The following MBTPS1 variants were observed in gnomAD, a reference collection of about 807,000 sequenced individuals.
MBTPS1 encodes membrane bound transcription factor peptidase, site 1, also known as membrane-bound transcription factor site-1 protease.
A neutral mutation model predicts 127.8 loss-of-function variants in MBTPS1; 94 were observed. The observed-to-expected ratio is 0.74, with a 90% CI of 0.62 to 0.87. MBTPS1 has a LOEUF of 0.87. Among genes scored for constraint, MBTPS1 ranks in the 40% least tolerant of loss-of-function variants. The pLI is 0.00. For synonymous variants in MBTPS1, 632 were observed against 509.4 expected, an observed-to-expected ratio of 1.24 and a Z score of -3.24; for missense variants, 1,636 against 1,353.2, an observed-to-expected ratio of 1.21 and a Z score of -3.28.
At chr16:84,071,253 A>C (rs2085766201) in intron 12 of MBTPS1, among the ~76,000 whole-genome samples, 1 of 152,260 alleles carries the variant, frequency 6.6e-6, no homozygotes, top group South Asian at 2.1e-4. Context: ...GGACTGGCTC[A>C]GCTGCGAGAT....
rs1215991377 is a variant in MBTPS1, at chr16:84,058,782, G to A, written c.2831+520C>T. On this transcript the variant is annotated intron_variant, in intron 21 of 22. Coordinates refer to ENST00000343411, the MANE Select transcript of MBTPS1 (RefSeq NM_003791.4). ...GGGATCCAGGCGGCACTGCAAACAGGAGTGTGGAGACAGCAGCAGAGGTCA... is the reference window on the plus strand; with the variant it reads ...GGGATCCAGGCGGCACTGCAAACAGAAGTGTGGAGACAGCAGCAGAGGTCA... Among the ~76,000 whole-genome samples the A allele has an allele frequency of 4.6e-5, 7 of 152,322 alleles. No homozygotes were observed. In the East Asian group the frequency reaches 1.4e-3, roughly 29 times the overall value.
intron 2 of MBTPS1, 131 bp from the exon 3 acceptor site, chr16:84,099,441 A>G (rs562762375): frequency 6.0e-5 from 55 of 912,248 alleles, no homozygotes; most frequent in Non-Finnish European, 7.4e-5. Flanking sequence ...GAGAAAACAC[A>G]AAGACTAGTT....
At position 84,064,141 on chromosome 16, in the gene MBTPS1, C is replaced by T. The variant is rs188101995; in HGVS notation, c.2432-696G>A. On this transcript the variant is annotated intron_variant, in intron 18 of 22. Coordinates refer to ENST00000343411, the MANE Select transcript of MBTPS1 (RefSeq NM_003791.4). ...CCAGATAATCTAGGAGTCTCTGCCC[C>T]TAATTCAATTGCTTTCCTCAGCACT... Among the ~76,000 whole-genome samples, 48 of 152,072 alleles carry T rather than the reference C, an allele frequency of 3.2e-4. 1 individual carries two copies. The highest frequency in any genetic ancestry group is 1.0e-3 in the African/African-American group (43 of 41,486).
In MBTPS1 at chr16:84,085,206, C is replaced by A. The variant is rs2086003014; in HGVS notation, c.1135-72G>T. 3 of 1,433,968 alleles carry A rather than the reference C, an allele frequency of 2.1e-6. No homozygotes were observed. The South Asian group carries it at 3.6e-5, about 17-fold the overall frequency. The allele number at this position is 1,433,968 out of a possible 1,614,324, so 88.8% of individuals were successfully genotyped here. A position where few individuals can be genotyped will look rare whatever the true frequency, so the allele number is the denominator to read the frequency against. The stretch of plus-strand genomic sequence containing the variant: ...CAGCCGCATGCAATCATGAGTGAAT[C>A]AAATCAGAACAGAGATATGGGTTAG... On this transcript the variant is annotated intron_variant, in intron 9 of 22. Coordinates refer to ENST00000343411, the MANE Select transcript of MBTPS1 (RefSeq NM_003791.4).
chr16:84,074,409 A>G (rs2085820603), intron 12 of MBTPS1, among the ~76,000 whole-genome samples, 188 bp downstream of exon 12: 1 of 151,994 alleles, frequency 6.6e-6, no homozygotes, highest in African/African-American at 2.4e-5. Flanking sequence ...TAATTTCTTT[A>G]TTATTTGTAG....
intron 2 of MBTPS1, among the ~76,000 whole-genome samples, chr16:84,101,201 G>C (rs1357024736): frequency 6.6e-6 from 1 of 152,058 alleles, no homozygotes; most frequent in Non-Finnish European, 1.5e-5. Flanking sequence ...TCAGGAGGCT[G>C]AGGCAGGAGA....
intron 20 of MBTPS1, chr16:84,059,711 C>A: frequency 4.5e-6 from 1 of 223,562 alleles, no homozygotes; most frequent in Non-Finnish European, 8.8e-6. Context: ...CTTTGCTGAC[C>A]ACCACTGACA....
rs1311882001 is a variant in MBTPS1, at chr16:84,059,334, G to C, written c.2799C>G (p.Ala933=). 4 of 1,614,000 alleles carry C rather than the reference G, an allele frequency of 2.5e-6. No homozygotes were observed. In the African/African-American group the frequency reaches 4.0e-5, roughly 16 times the overall value. The part of the protein sequence containing the change: ...PLPACPRLSW[A]KPQPLNETAP... ...CCGTCTCGTTTAAAGGCTGTGGCTT[G>C]GCCCAAGACAAGCGTGGACAGGCTG... is the stretch of plus-strand genomic sequence containing the variant. The change falls in exon 21 of 23, where the codon GCC becomes GCG. Residue 933 remains alanine, a synonymous_variant. Coordinates refer to ENST00000343411, the MANE Select transcript of MBTPS1 (RefSeq NM_003791.4).
intron 1 of MBTPS1, among the ~76,000 whole-genome samples, chr16:84,113,074 A>C (rs987652685): frequency 5.3e-5 from 8 of 152,152 alleles, no homozygotes; most frequent in African/African-American, 1.9e-4. Flanking sequence ...TTGTATATAT[A>C]CTAGAGCTTA....
chr16:84,098,924 A>G (rs2086215865), intron 3 of MBTPS1, 129 bp downstream of exon 3: 1 of 963,398 alleles, frequency 1.0e-6, no homozygotes, highest in Admixed American at 2.7e-5. Context: ...CCTACCAGGA[A>G]AATGTTCACA....
At chr16:84,063,606 C>G (rs949667620) in intron 18 of MBTPS1, among the ~76,000 whole-genome samples, 161 bp from the exon 19 acceptor site, 1 of 152,158 alleles carries the variant, frequency 6.6e-6, no homozygotes, top group African/African-American at 2.4e-5. Flanking sequence ...TAAGAATAAG[C>G]CTTTTAGAAT....
chr16:84,056,271 G>A, intron 21 of MBTPS1, 136 bp from the exon 22 acceptor site: 1 of 675,034 alleles, frequency 1.5e-6, no homozygotes, highest in Non-Finnish European at 2.5e-6. Flanking sequence ...TGCGTCCACG[G>A]CCACCTAAAT....
rs767502683 is a variant in MBTPS1, at chr16:84,085,036, T to C, written c.1233A>G (p.Ser411=). 4 of 1,614,068 alleles carry C rather than the reference T, an allele frequency of 2.5e-6. No individual in the cohort carries two copies. The highest frequency in any genetic ancestry group is 3.3e-5 in the Admixed American group (2 of 60,006). Residue 411 remains serine (S), a synonymous_variant, in exon 10 of 23, where the codon TCA becomes TCG. Coordinates refer to ENST00000343411, the MANE Select transcript of MBTPS1 (RefSeq NM_003791.4). ...SGVKGGCRAL[S]GTSVASPVVA... ...CCACTGGAGAAGCAACACTGGTCCC[T>C]GAGAGGGCCCGGCACCCCCCTTTCA...
rs2085516878 is a variant in MBTPS1, at chr16:84,056,042, C to G, written c.2925G>C (p.Leu975Phe). 1.2e-6 allele frequency: 2 copies of G among 1,613,896 alleles called. No individual in the cohort carries two copies. Among genetic ancestry groups the G allele is most frequent in the Non-Finnish European group, 8.5e-7 (1 of 1,180,018 alleles). Reference protein sequence around the residue: ...FRSNRPQVRPLSPGESGAWDI... With the variant: ...FRSNRPQVRPFSPGESGAWDI... ...CCCAGGCGCCGCTCTCTCCAGGGGA[C>G]AAGGGCCTCACTTGAGGGCGATTCG... The change falls in exon 22 of 23, where the codon TTG (leucine) becomes TTC (phenylalanine). Residue 975 changes from leucine to phenylalanine, a missense_variant. Leu to Phe is a conservative substitution (Grantham distance 22). Transcript: ENST00000343411.
At chr16:84,060,650 C>G (rs144966326) in intron 20 of MBTPS1, 32 bp downstream of exon 20, 1 of 1,603,450 alleles carries the variant, frequency 6.2e-7, no homozygotes, top group Admixed American at 1.7e-5. Context: ...GGATCCAATT[C>G]CCTCCCCAAG....
chr16:84,093,824 T>A lies in MBTPS1; in HGVS notation c.626-3A>T. The A allele has an allele frequency of 1.3e-6, 2 of 1,588,594 alleles. No homozygotes were observed. The highest frequency in any genetic ancestry group is 1.7e-4 in the Middle Eastern group (1 of 6,018). On this transcript the variant is annotated splice_polypyrimidine_tract_variant and splice_region_variant and intron_variant, in intron 4 of 22. Coordinates refer to ENST00000343411, the MANE Select transcript of MBTPS1 (RefSeq NM_003791.4). ...AACAGCAACTCTTACATTAGCACCT[T>A]ATTCGGAAAAGAAAGCAAACACAAT...
rs545394223 is a variant in MBTPS1, at chr16:84,093,766, G to A, written c.681C>T (p.His227=). The part of the protein sequence containing the change: ...FDTGLSEKHP[H]FKNVKERTNW... ...TGGTTCTCTCCTTCACATTTTTGAA[G>A]TGGGGATGCTTCTCGCTCAGCCCAG... Residue 227 remains histidine, a synonymous_variant, in exon 5 of 23, where the codon CAC becomes CAT. Transcript: ENST00000343411. 2 of 1,614,070 alleles carry A rather than the reference G, an allele frequency of 1.2e-6. No homozygotes were observed. The highest frequency in any genetic ancestry group is 2.2e-5 in the East Asian group (1 of 44,882).
At chr16:84,113,716 G>A (rs1013037265) in intron 1 of MBTPS1, among the ~76,000 whole-genome samples, 1 of 152,138 alleles carries the variant, frequency 6.6e-6, no homozygotes, top group African/African-American at 2.4e-5. Flanking sequence ...TGTATCACCC[G>A]ACAATCATCT....
intron 7 of MBTPS1, 56 bp from the exon 8 acceptor site, chr16:84,090,998 T>TAA: frequency 1.8e-5 from 14 of 785,058 alleles, no homozygotes; most frequent in East Asian, 6.2e-5. Context: ...CATATAACTG[T>TAA]CAAAAAAAAA....
Sources: gnomAD v4.1 joint callset for allele counts (sites outside exome capture counted in the v4.1 genomes callset) on GRCh38, gnomAD v4.1.1 for gene constraint, MANE v1.5 for transcripts, NCBI Gene and HGNC (gene_info 2026-07-23, HGNC 2026-07-21) for gene names.